Variants in DENND10 observed in about 807,000 individuals in gnomAD.
DENND10 encodes the protein DENN domain containing 10, also known as DENN domain-containing protein 10.
DENND10 carries 24 observed loss-of-function variants against 43.6 expected under a neutral mutation model. That is an observed-to-expected ratio of 0.55 (90% CI 0.40 to 0.77). The LOEUF (loss-of-function observed/expected upper bound fraction) is 0.77. Ranked by LOEUF, DENND10 falls within the 30% of genes least tolerant of loss-of-function variation. The pLI is 0.00. For synonymous variants in DENND10, 125 were observed against 157.6 expected (o/e 0.79, Z 1.55); for missense variants, 303 against 429.9 (o/e 0.70, Z 2.61).
chr10:119,106,789 A>G (rs952189310), intron 1 of DENND10, among the ~76,000 whole-genome samples: 9 of 152,190 alleles, frequency 5.9e-5, no homozygotes, highest in African/African-American at 1.4e-4. Flanking sequence ...TCACGCCTAT[A>G]ATCCCAGCAC....
intron 3 of DENND10, 136 bp from the exon 4 acceptor site, chr10:119,117,383 A>C: frequency 1.1e-6 from 1 of 870,872 alleles, no homozygotes; most frequent in Non-Finnish European, 1.8e-6. Context: ...AAAAAAACAG[A>C]AGAGTGAAGC....
intron 8 of DENND10, among the ~76,000 whole-genome samples, chr10:119,135,815 A>AAAAAAAAAAAAAAAAC (rs1564804559): frequency 2.7e-4 from 37 of 137,836 alleles, no homozygotes; most frequent in Non-Finnish European, 5.2e-4. Flanking sequence ...AAAAAAAAAA[A>AAAAAAAAAAAAAAAAC]ACCAAAACCA....
chr10:119,117,407 G>A, intron 3 of DENND10, 112 bp from the exon 4 acceptor site: 1 of 1,111,526 alleles, frequency 9.0e-7, no homozygotes, highest in Admixed American at 2.3e-5. Flanking sequence ...CAGAAGGGCA[G>A]TAGCAAGGTG....
intron 4 of DENND10, among the ~76,000 whole-genome samples, chr10:119,120,075 C>G (rs990096773): frequency 6.7e-6 from 1 of 150,350 alleles, no homozygotes; most frequent in African/African-American, 2.4e-5. Flanking sequence ...TGGTGAAACC[C>G]CGTCTCTACT....
At chr10:119,127,071 G>C (rs145050769) in intron 6 of DENND10, among the ~76,000 whole-genome samples, 1 of 147,158 alleles carries the variant, frequency 6.8e-6, no homozygotes, top group African/African-American at 2.6e-5. Flanking sequence ...GCTAATTTTT[G>C]TATTTTTTTT....
intron 6 of DENND10, among the ~76,000 whole-genome samples, chr10:119,125,213 C>G (rs1002873104): frequency 1.5e-4 from 23 of 152,056 alleles, no homozygotes; most frequent in African/African-American, 5.6e-4. Flanking sequence ...CTTAGGTGAT[C>G]CACCCACCTC....
chr10:119,108,837 G>C (rs555040056), intron 2 of DENND10, among the ~76,000 whole-genome samples: 3 of 151,370 alleles, frequency 2.0e-5, no homozygotes, highest in Admixed American at 2.0e-4. Flanking sequence ...TGTATTTTTA[G>C]TAGAGACAGG....
At chr10:119,120,247 CAAAAAAA>C in intron 4 of DENND10, 87 bp from the exon 5 acceptor site, 2 of 643,996 alleles carry the variant, frequency 3.1e-6, no homozygotes, top group South Asian at 2.2e-5. Context: ...GACTCGGTCT[CAAAAAAA>C]AAAGAAAAAA....
chr10:119,115,265 C>T (rs1845193311), intron 3 of DENND10, among the ~76,000 whole-genome samples: 1 of 151,712 alleles, frequency 6.6e-6, no homozygotes, highest in Non-Finnish European at 1.5e-5. Context: ...AGAAGTTTTT[C>T]TCCCTGTGTG....
At chr10:119,127,553 A>G (rs1349520968) in intron 6 of DENND10, among the ~76,000 whole-genome samples, 3 of 152,040 alleles carry the variant, frequency 2.0e-5, no homozygotes, top group Non-Finnish European at 2.9e-5. Flanking sequence ...ATCTTGGCTC[A>G]CTGCAACTTC....
At chr10:119,107,827 G>A in intron 1 of DENND10, 141 bp from the exon 2 acceptor site, 6 of 738,134 alleles carry the variant, frequency 8.1e-6, no homozygotes, top group Non-Finnish European at 1.4e-5. Flanking sequence ...AGATAGGTGG[G>A]AATTTGGGGT....
intron 6 of DENND10, among the ~76,000 whole-genome samples, chr10:119,128,587 GAC>G (rs57770149): frequency 0.066 from 9,713 of 146,182 alleles, 822 homozygotes; most frequent in African/African-American, 0.2. Flanking sequence ...TGGCCTGGGT[GAC>G]AGAGCGAGAC....
rs200534520 is a variant in DENND10, at chr10:119,136,297, G to C, written c.898-174G>C. Among the ~76,000 whole-genome samples, 5 of 150,842 alleles carry C rather than the reference G, an allele frequency of 3.3e-5. No homozygotes were observed. The East Asian group carries it at 1.0e-3, about 31-fold the overall frequency. ...CTGCATTCTCTAACTCCTGACTCAA[G>C]ACATTCTCCTGCCACGGTCTCCCAA... On this transcript the variant is annotated intron_variant, in intron 8 of 8. Transcript: ENST00000361432.
chr10:119,118,068 T>C (rs1169160816), intron 4 of DENND10, among the ~76,000 whole-genome samples: 1 of 152,182 alleles, frequency 6.6e-6, no homozygotes, highest in African/African-American at 2.4e-5. Context: ...TTGTGCCTAA[T>C]AGAATAATTA....
At chr10:119,131,997 T>G (rs1023952131) in intron 7 of DENND10, among the ~76,000 whole-genome samples, 17 of 152,228 alleles carry the variant, frequency 1.1e-4, no homozygotes, top group Non-Finnish European at 2.9e-5. Context: ...ACCTCCTCAG[T>G]GCAGACAGTA....
intron 4 of DENND10, among the ~76,000 whole-genome samples, chr10:119,117,959 C>A (rs1214863557): frequency 6.6e-6 from 1 of 151,684 alleles, no homozygotes; most frequent in Non-Finnish European, 1.5e-5. Flanking sequence ...AGACGAGACT[C>A]CGTCTCAAAA....
chr10:119,136,206 T>C (rs529587293), intron 8 of DENND10, among the ~76,000 whole-genome samples: 15 of 151,034 alleles, frequency 9.9e-5, no homozygotes, highest in African/African-American at 3.4e-4. Flanking sequence ...AGGAGTTATC[T>C]TTTTTGTTGT....
intron 5 of DENND10, among the ~76,000 whole-genome samples, chr10:119,120,752 A>G (rs1211198043): frequency 6.6e-6 from 1 of 152,206 alleles, no homozygotes; most frequent in African/African-American, 2.4e-5. Context: ...CACAAAAGCA[A>G]CCATGGAGGA....
intron 8 of DENND10, among the ~76,000 whole-genome samples, chr10:119,135,586 G>A (rs188397859): frequency 1.3e-5 from 2 of 152,026 alleles, no homozygotes; most frequent in East Asian, 3.9e-4. Context: ...ACTTATATGA[G>A]CTATCTAGAG....
Sources: gnomAD v4.1 joint callset for allele counts (sites outside exome capture counted in the v4.1 genomes callset) on GRCh38, gnomAD v4.1.1 for gene constraint, MANE v1.5 for transcripts, NCBI Gene and HGNC (gene_info 2026-07-23, HGNC 2026-07-21) for gene names.